The following SGIP1 variants were observed in gnomAD, a reference collection of about 807,000 sequenced individuals.
SGIP1 encodes the protein SH3-containing GRB2-like protein 3-interacting protein 1.
A neutral mutation model predicts 107.5 loss-of-function variants in SGIP1; 38 were observed. The observed-to-expected ratio is 0.35, with a 90% confidence interval of 0.27 to 0.46. The LOEUF (loss-of-function observed/expected upper bound fraction) is 0.46, where lower values mean the gene tolerates loss of function less well. Among genes scored for constraint, SGIP1 ranks in the 20% least tolerant of loss-of-function variants. The pLI is 1.00. For synonymous variants in SGIP1, 365 were observed against 366.1 expected (o/e 1.00, Z 0.03); for missense variants, 929 against 1,019.5 (o/e 0.91, Z 1.21).
intron 1 of SGIP1, among the ~76,000 whole-genome samples, chr1:66,584,688 T>A (rs1304860839): frequency 6.6e-6 from 1 of 152,206 alleles, no homozygotes; most frequent in African/African-American, 2.4e-5. Context: ...ACAGTAATTT[T>A]AACAGGTTAA....
chr1:66,631,044 GAAGAAAGAAAGAAAGAAAGA>G (rs373346734), intron 2 of SGIP1, among the ~76,000 whole-genome samples: 3,024 of 102,704 alleles, frequency 0.029, 49 homozygotes, highest in Non-Finnish European at 0.033. Flanking sequence ...AGGAAGAAAG[GAAGAAAGAAAGAAAGAAAGA>G]AAGAAAGAAA....
intron 4 of SGIP1, 127 bp from the exon 5 acceptor site, chr1:66,639,650 C>T: frequency 1.3e-6 from 1 of 745,372 alleles, no homozygotes; most frequent in Admixed American, 2.5e-5. Context: ...ATAAACTGCT[C>T]TAATATGTCT....
intron 7 of SGIP1, among the ~76,000 whole-genome samples, chr1:66,648,185 A>AGGTAGG (rs2078006704): frequency 6.6e-6 from 1 of 152,166 alleles, no homozygotes; most frequent in African/African-American, 2.4e-5. Context: ...AGGAAGGGGC[A>AGGTAGG]TGCCCTTGGG....
At chr1:66,590,892 G>C (rs1557996751) in intron 1 of SGIP1, among the ~76,000 whole-genome samples, 1 of 152,176 alleles carries the variant, frequency 6.6e-6, no homozygotes, top group Non-Finnish European at 1.5e-5. Context: ...GCATATATCA[G>C]AATTTCTTAA....
At chr1:66,717,384 A>T (rs1019282395) in intron 18 of SGIP1, among the ~76,000 whole-genome samples, 1 of 152,162 alleles carries the variant, frequency 6.6e-6, no homozygotes, top group Non-Finnish European at 1.5e-5. Flanking sequence ...ACGGTTTATA[A>T]ATGTGCATAA....
intron 15 of SGIP1, 32 bp downstream of exon 15, chr1:66,682,401 A>G (rs748153998): frequency 1.3e-6 from 2 of 1,576,726 alleles, no homozygotes; most frequent in African/African-American, 2.7e-5. Context: ...GCTTCTTGTG[A>G]CGGGGAATGG....
chr1:66,568,862 T>G (rs12128429), intron 1 of SGIP1, among the ~76,000 whole-genome samples: 23,413 of 151,900 alleles, frequency 0.15, 2,356 homozygotes, highest in East Asian at 0.45. Flanking sequence ...TTGAGGGAGC[T>G]TTTACTATTT....
At chr1:66,596,384 G>T (rs1344262304) in intron 1 of SGIP1, among the ~76,000 whole-genome samples, 2 of 152,154 alleles carry the variant, frequency 1.3e-5, no homozygotes, top group Non-Finnish European at 2.9e-5. Flanking sequence ...CTGGGTCTGG[G>T]ACCTTTTATG....
chr1:66,577,881 T>C (rs1011771079), intron 1 of SGIP1, among the ~76,000 whole-genome samples: 1 of 151,946 alleles, frequency 6.6e-6, no homozygotes, highest in Non-Finnish European at 1.5e-5. Context: ...AAATTTTTCT[T>C]TTTTCCCTTC....
chr1:66,692,981 C>T (rs755635023), intron 17 of SGIP1, among the ~76,000 whole-genome samples: 2 of 151,998 alleles, frequency 1.3e-5, no homozygotes, highest in Non-Finnish European at 2.9e-5. Context: ...TTGAAGACAC[C>T]CTCGATTGAA....
chr1:66,712,596 C>A (rs1341070057), intron 18 of SGIP1, among the ~76,000 whole-genome samples: 1 of 151,294 alleles, frequency 6.6e-6, no homozygotes, highest in Non-Finnish European at 1.5e-5. Flanking sequence ...CTAATTTTTT[C>A]TTTCTCTTCT....
chr1:66,629,246 G>T (rs148151247), intron 2 of SGIP1, among the ~76,000 whole-genome samples: 2 of 152,242 alleles, frequency 1.3e-5, no homozygotes, highest in African/African-American at 4.8e-5. Context: ...ATATACAGTG[G>T]GGTTAGGACC....
intron 9 of SGIP1, among the ~76,000 whole-genome samples, chr1:66,669,523 G>A (rs1368499539): frequency 6.6e-6 from 1 of 152,090 alleles, no homozygotes; most frequent in African/African-American, 2.4e-5. Context: ...TTCTATCTGA[G>A]GGTTCATAAC....
At chr1:66,633,824 A>C (rs1006378696) in intron 3 of SGIP1, among the ~76,000 whole-genome samples, 1 of 152,120 alleles carries the variant, frequency 6.6e-6, no homozygotes, top group African/African-American at 2.4e-5. Context: ...ATGGACTTAC[A>C]TTAGGCTCAT....
At chr1:66,661,166 A>G (rs1557511479) in intron 8 of SGIP1, among the ~76,000 whole-genome samples, 1 of 152,230 alleles carries the variant, frequency 6.6e-6, no homozygotes, top group Non-Finnish European at 1.5e-5. Context: ...AACACGAGGA[A>G]CAGATTTCAA....
intron 1 of SGIP1, among the ~76,000 whole-genome samples, chr1:66,560,027 A>G (rs896649294): frequency 3.3e-5 from 5 of 152,162 alleles, no homozygotes; most frequent in African/African-American, 9.6e-5. Context: ...AACATAGTGT[A>G]TGTGTCTACT....
At chr1:66,673,419 A>G (rs1186076139) in intron 12 of SGIP1, 53 bp downstream of exon 12, 2 of 1,440,292 alleles carry the variant, frequency 1.4e-6, no homozygotes. Flanking sequence ...TTATTAAAGT[A>G]CAACTCTTCT....
intron 18 of SGIP1, among the ~76,000 whole-genome samples, chr1:66,715,385 T>G (rs959792835): frequency 6.6e-6 from 1 of 152,082 alleles, no homozygotes; most frequent in South Asian, 2.1e-4. Context: ...GTTTTCTGTG[T>G]TTCTGCTTCC....
chr1:66,609,203 A>T (rs950973133), intron 1 of SGIP1, among the ~76,000 whole-genome samples: 5 of 152,238 alleles, frequency 3.3e-5, no homozygotes, highest in African/African-American at 1.2e-4. Flanking sequence ...AAGAACAAAG[A>T]CAATGTAAAC....
Sources: gnomAD v4.1 joint callset for allele counts (sites outside exome capture counted in the v4.1 genomes callset) on GRCh38, gnomAD v4.1.1 for gene constraint, MANE v1.5 for transcripts, NCBI Gene and HGNC (gene_info 2026-07-23, HGNC 2026-07-21) for gene names.